Variants in NRXN3 observed in about 807,000 individuals in gnomAD.
NRXN3 encodes the protein neurexin III.
Under a neutral mutation model 137.6 loss-of-function variants are expected in NRXN3, and 32 were observed. The observed-to-expected ratio is 0.23, with a 90% confidence interval of 0.18 to 0.31. The LOEUF is 0.31. Among genes scored for constraint, NRXN3 ranks in the 10% least tolerant of loss-of-function variants. The pLI is 1.00. For synonymous variants in NRXN3, 798 were observed against 784.5 expected (o/e 1.02, Z -0.29); for missense variants, 1,574 against 2,062.5 (o/e 0.76, Z 4.59).
intron 15 of NRXN3, among the ~76,000 whole-genome samples, chr14:79,018,287 AAAAAAAAAAGAG>A: frequency 1.6e-5 from 1 of 61,444 alleles, no homozygotes; most frequent in African/African-American, 5.2e-5. Flanking sequence ...AAAAAAAAAA[AAAAAAAAAAGAG>A]AGAGAGCAAG....
intron 19 of NRXN3, among the ~76,000 whole-genome samples, chr14:79,719,604 A>G (rs2098837132): frequency 6.6e-6 from 1 of 152,000 alleles, no homozygotes; most frequent in South Asian, 2.1e-4. Flanking sequence ...ATATATACGT[A>G]TTGTAGAAAA....
At chr14:78,364,058 C>A (rs1315452686) in intron 4 of NRXN3, among the ~76,000 whole-genome samples, 1 of 152,200 alleles carries the variant, frequency 6.6e-6, no homozygotes, top group Non-Finnish European at 1.5e-5. Flanking sequence ...AACTTGTAGC[C>A]CTGGGGCCTT....
intron 15 of NRXN3, among the ~76,000 whole-genome samples, chr14:79,234,341 A>ATATAT: frequency 1.1e-5 from 1 of 94,376 alleles, no homozygotes; most frequent in Non-Finnish European, 2.1e-5. Flanking sequence ...TATATATATA[A>ATATAT]TATTTATATA....
chr14:79,062,740 G>A lies in NRXN3; in HGVS notation c.3262+74599G>A, dbSNP rs116238616. On this transcript the variant is annotated intron_variant, in intron 15 of 20. Coordinates refer to ENST00000335750, the MANE Select transcript of NRXN3 (RefSeq NM_001330195.2). ...GAGGGGTCTTGTTTTCCTTTTAGGT[G>A]TAATTAGAGTAATCAAAGGGTTTGT... is the stretch of plus-strand genomic sequence containing the variant. 2.4e-3 allele frequency among the ~76,000 whole-genome samples: 370 copies of A among 152,244 alleles called. 2 individuals carry two copies. The highest frequency in any genetic ancestry group is 8.1e-3 in the African/African-American group (335 of 41,540).
rs1279808929 is a variant in NRXN3 at position 78,943,617 on chromosome 14, AAAAAATATATAT to A, written c.2276-13623_2276-13612del. Among the ~76,000 whole-genome samples, 60 of 40,526 alleles carry A rather than the reference AAAAAATATATAT, an allele frequency of 1.5e-3. 1 individual carries two copies. Among genetic ancestry groups the A allele is most frequent in the South Asian group, 3.3e-3 (3 of 918 alleles). 26.6% of individuals were successfully genotyped at this position (40,526 alleles called of 152,430 possible). ...AAGAAGCAAGATCACTGTTAAAAAA[AAAAAATATATAT>A]ATATATATATATATATATATATATA... On this transcript the variant is annotated intron_variant, in intron 10 of 20. Transcript: ENST00000335750.
intron 4 of NRXN3, among the ~76,000 whole-genome samples, chr14:78,525,487 A>G (rs1414551658): frequency 1.3e-5 from 2 of 152,178 alleles, no homozygotes; most frequent in Non-Finnish European, 2.9e-5. Context: ...TTCATTTACC[A>G]TAGATAAAGA....
At chr14:79,054,923 C>T (rs758469151) in intron 15 of NRXN3, among the ~76,000 whole-genome samples, 4 of 152,044 alleles carry the variant, frequency 2.6e-5, no homozygotes, top group Non-Finnish European at 4.4e-5. Flanking sequence ...GTTAGTTTAC[C>T]ATTTGTGAGC....
intron 4 of NRXN3, among the ~76,000 whole-genome samples, chr14:78,322,842 T>C (rs932964983): frequency 2.0e-5 from 3 of 152,038 alleles, no homozygotes; most frequent in African/African-American, 7.3e-5. Flanking sequence ...TCACACACTC[T>C]GTGACACTTT....
intron 6 of NRXN3, chr14:78,698,228 C>A (rs2098246351): frequency 6.6e-6 from 1 of 152,126 alleles, no homozygotes; most frequent in Admixed American, 6.6e-5. Flanking sequence ...GGATTGCTTA[C>A]AATACCTGCT....
In NRXN3 at chr14:78,966,015, A is replaced by C. The variant is rs181547299; in HGVS notation, c.2396-10A>C. ...CTTTTCTGTTTGTACCTCATTTACA[A>C]TTTTCACAGGTACAATGGTGGGAGA... On this transcript the variant is annotated splice_polypyrimidine_tract_variant and intron_variant, in intron 11 of 20. Coordinates refer to ENST00000335750, the MANE Select transcript of NRXN3 (RefSeq NM_001330195.2). 84 of 1,608,810 alleles carry C rather than the reference A, an allele frequency of 5.2e-5. No individual in the cohort carries two copies. Among genetic ancestry groups the C allele is most frequent in the Non-Finnish European group, 2.5e-5 (29 of 1,176,502 alleles).
chr14:79,077,417 CTCT>C (rs2046163670), intron 15 of NRXN3, among the ~76,000 whole-genome samples: 1 of 151,990 alleles, frequency 6.6e-6, no homozygotes, highest in African/African-American at 2.4e-5. Flanking sequence ...CCTTTTTTTC[CTCT>C]TCTTTTCCTA....
At chr14:79,042,124 C>T (rs971084918) in intron 15 of NRXN3, among the ~76,000 whole-genome samples, 2 of 152,186 alleles carry the variant, frequency 1.3e-5, no homozygotes, top group African/African-American at 4.8e-5. Flanking sequence ...AAACATTCCA[C>T]TCCTCAGTGA....
chr14:79,137,840 C>T (rs374490701), intron 15 of NRXN3, among the ~76,000 whole-genome samples: 17 of 151,986 alleles, frequency 1.1e-4, no homozygotes, highest in Admixed American at 3.9e-4. Flanking sequence ...TAGGACAGGA[C>T]GAGGAATAAT....
chr14:78,553,521 C>T, intron 4 of NRXN3, among the ~76,000 whole-genome samples: 1 of 152,220 alleles, frequency 6.6e-6, no homozygotes, highest in East Asian at 1.9e-4. Flanking sequence ...CCCATCCACC[C>T]ATCCCCTCTC....
In NRXN3 at chr14:78,196,422, T is replaced by C. The variant is rs1220240857; in HGVS notation, c.-704+25748T>C. Among the ~76,000 whole-genome samples the C allele has an allele frequency of 3.3e-5, 5 of 152,326 alleles. No homozygotes were observed. In the East Asian group the frequency reaches 9.6e-4, roughly 29 times the overall value. ...TTTGGTTTATCTTGGTGATGAAAAG[T>C]ATAATCTCCAAGGGTACCAGAAACA... On this transcript the variant is annotated intron_variant, in intron 1 of 20. Coordinates refer to ENST00000335750, the MANE Select transcript of NRXN3 (RefSeq NM_001330195.2).
chr14:79,488,624 T>C (rs1181495639), intron 16 of NRXN3, among the ~76,000 whole-genome samples: 1 of 152,136 alleles, frequency 6.6e-6, no homozygotes, highest in African/African-American at 2.4e-5. Flanking sequence ...TGGTGATAAC[T>C]TGATGCTGGT....
chr14:79,822,207 CCACA>C (rs1470023309), intron 20 of NRXN3, among the ~76,000 whole-genome samples: 1 of 152,048 alleles, frequency 6.6e-6, no homozygotes, highest in African/African-American at 2.4e-5. Context: ...TGTTATCTGC[CCACA>C]CAGAGGACAG....
intron 15 of NRXN3, among the ~76,000 whole-genome samples, chr14:79,161,711 CGT>C (rs1296914108): frequency 6.6e-6 from 1 of 151,914 alleles, no homozygotes; most frequent in Non-Finnish European, 1.5e-5. Flanking sequence ...ATGCACTCCA[CGT>C]GTGACTAAAA....
intron 10 of NRXN3, among the ~76,000 whole-genome samples, chr14:78,881,902 A>G (rs1441651769): frequency 2.6e-5 from 4 of 151,714 alleles, no homozygotes; most frequent in East Asian, 1.9e-4. Context: ...AGTCCCTCCC[A>G]TCACAAACCT....
Sources: gnomAD v4.1 joint callset for allele counts (sites outside exome capture counted in the v4.1 genomes callset) on GRCh38, gnomAD v4.1.1 for gene constraint, MANE v1.5 for transcripts, NCBI Gene and HGNC (gene_info 2026-07-23, HGNC 2026-07-21) for gene names.